The following CFAP54 variants were observed in gnomAD, a reference collection of about 807,000 sequenced individuals.
The protein encoded by CFAP54 is cilia and flagella associated protein 54, also known as cilia- and flagella-associated protein 54.
CFAP54 carries 290 observed loss-of-function variants against 370.4 expected under a neutral mutation model. The observed-to-expected ratio is 0.78, with a 90% CI of 0.71 to 0.86. The LOEUF (loss-of-function observed/expected upper bound fraction) is 0.86, where lower values mean the gene tolerates loss of function less well. Among genes scored for constraint, CFAP54 ranks in the 40% least tolerant of loss-of-function variants. The pLI is 0.00. For missense variants in CFAP54, 3,399 were observed against 3,528.7 expected (o/e 0.96, Z 0.93); for synonymous variants, 1,206 against 1,236.5 (o/e 0.98, Z 0.52).
intron 55 of CFAP54, among the ~76,000 whole-genome samples, chr12:96,746,632 C>T (rs759878782): frequency 6.6e-5 from 10 of 152,144 alleles, no homozygotes; most frequent in Non-Finnish European, 1.5e-4. Flanking sequence ...AGTAAATGAT[C>T]TCTATTTGTT....
chr12:96,595,295 A>G (rs1333002606), intron 25 of CFAP54, among the ~76,000 whole-genome samples: 2 of 152,026 alleles, frequency 1.3e-5, no homozygotes, highest in African/African-American at 2.4e-5. Flanking sequence ...TGATGAGCTT[A>G]TCACATTCAG....
At chr12:96,862,577 A>G (rs1322940974) in intron 67 of CFAP54, among the ~76,000 whole-genome samples, 1 of 152,230 alleles carries the variant, frequency 6.6e-6, no homozygotes, top group African/African-American at 2.4e-5. Context: ...ATAAGAATGC[A>G]AGATATAATG....
At chr12:96,684,607 T>C (rs559820926) in intron 40 of CFAP54, 41 bp from the exon 41 acceptor site, 6 of 1,501,460 alleles carry the variant, frequency 4.0e-6, no homozygotes, top group Non-Finnish European at 5.5e-6. Context: ...AATATTTTTC[T>C]AGGAACTGAC....
intron 34 of CFAP54, among the ~76,000 whole-genome samples, chr12:96,649,444 C>T (rs1393410075): frequency 1.3e-5 from 2 of 152,032 alleles, no homozygotes; most frequent in Non-Finnish European, 2.9e-5. Flanking sequence ...AGGAGAAAGC[C>T]TTCTTTTTTA....
intron 21 of CFAP54, 68 bp from the exon 22 acceptor site, chr12:96,580,852 A>T: frequency 8.1e-7 from 1 of 1,229,510 alleles, no homozygotes; most frequent in Non-Finnish European, 1.1e-6. Context: ...AGGTTTACTT[A>T]ATTGTATTTT....
intron 25 of CFAP54, among the ~76,000 whole-genome samples, chr12:96,595,729 A>G (rs527598705): frequency 2.0e-5 from 3 of 152,122 alleles, no homozygotes; most frequent in Non-Finnish European, 4.4e-5. Flanking sequence ...GGTCAGTTGT[A>G]AATAGATAGA....
chr12:96,681,627 G>A (rs995609020), intron 40 of CFAP54, among the ~76,000 whole-genome samples: 2 of 151,686 alleles, frequency 1.3e-5, no homozygotes, highest in African/African-American at 4.8e-5. Flanking sequence ...GTGCAGTGGC[G>A]TGATCTTGGC....
chr12:96,564,711 T>G lies in CFAP54; in HGVS notation c.2565T>G (p.Ala855=). ...LSKAIYLMQK[A]LLIFEKDATS... ...AAGCAATTTACTTAATGCAGAAAGC[T>G]CTTTTAATATTCGAGAAAGATGCAA... Residue 855 remains alanine (A), a synonymous_variant, in exon 19 of 68, where the codon GCT becomes GCG. Coordinates refer to ENST00000524981, the MANE Select transcript of CFAP54 (RefSeq NM_001306084.2). The G allele has an allele frequency of 6.3e-6, 4 of 632,908 alleles. No individual in the cohort carries two copies. Among genetic ancestry groups the G allele is most frequent in the Non-Finnish European group, 1.1e-5 (4 of 359,550 alleles). 39.2% of individuals were successfully genotyped at this position (632,908 alleles called of 1,614,324 possible). A position where few individuals can be genotyped will look rare whatever the true frequency, so the allele number is the denominator to read the frequency against.
intron 48 of CFAP54, among the ~76,000 whole-genome samples, chr12:96,713,964 A>C (rs1263923088): frequency 6.6e-6 from 1 of 152,186 alleles, no homozygotes; most frequent in African/African-American, 2.4e-5. Flanking sequence ...AGTCATAATA[A>C]AATATTTGGC....
At chr12:96,595,850 G>C (rs2136438741) in intron 25 of CFAP54, among the ~76,000 whole-genome samples, 1 of 152,172 alleles carries the variant, frequency 6.6e-6, no homozygotes, top group African/African-American at 2.4e-5. Context: ...TACTTTGGAG[G>C]GGGTATCCCA....
At chr12:96,661,223 A>G (rs1041710239) in intron 38 of CFAP54, among the ~76,000 whole-genome samples, 6 of 152,202 alleles carry the variant, frequency 3.9e-5, no homozygotes, top group Non-Finnish European at 8.8e-5. Flanking sequence ...TCTGGTGAGC[A>G]GCCCCTATCC....
intron 25 of CFAP54, among the ~76,000 whole-genome samples, chr12:96,597,980 A>G (rs931754481): frequency 2.0e-5 from 3 of 151,904 alleles, no homozygotes; most frequent in African/African-American, 7.2e-5. Flanking sequence ...TAGTAACAGT[A>G]TTGTTAGAAT....
intron 48 of CFAP54, among the ~76,000 whole-genome samples, chr12:96,716,880 A>G (rs1214819570): frequency 6.6e-6 from 1 of 152,180 alleles, no homozygotes; most frequent in Non-Finnish European, 1.5e-5. Flanking sequence ...AGTGAACATG[A>G]TTAGTCTGAA....
intron 55 of CFAP54, 89 bp downstream of exon 55, chr12:96,744,235 A>C (rs1958086081): frequency 8.7e-7 from 1 of 1,155,588 alleles, no homozygotes; most frequent in Non-Finnish European, 1.2e-6. Flanking sequence ...AGTGCATTTA[A>C]AAGAGGCAAT....
chr12:96,764,023 T>G, intron 58 of CFAP54, 128 bp from the exon 59 acceptor site: 1 of 547,350 alleles, frequency 1.8e-6, no homozygotes, highest in South Asian at 3.0e-5. Context: ...ATTTCGAATA[T>G]CTTCTCATGT....
intron 6 of CFAP54, 28 bp downstream of exon 6, chr12:96,519,099 C>G: frequency 1.4e-6 from 2 of 1,481,076 alleles, no homozygotes; most frequent in Admixed American, 2.4e-5. Flanking sequence ...TCTGAGGAGT[C>G]GAGTTTTTTT....
intron 17 of CFAP54, among the ~76,000 whole-genome samples, chr12:96,555,368 C>CACACTGCTGT (rs1955740944): frequency 6.6e-6 from 1 of 151,672 alleles, no homozygotes; most frequent in Non-Finnish European, 1.5e-5. Flanking sequence ...GCAGTGTAGA[C>CACACTGCTGT]ACACTGCTGA....
At chr12:96,651,961 A>G in intron 36 of CFAP54, 146 bp downstream of exon 36, 2 of 619,658 alleles carry the variant, frequency 3.2e-6, no homozygotes, top group Non-Finnish European at 5.5e-6. Flanking sequence ...TTTTGTTTAC[A>G]ATATATAACT....
rs567570668 is a variant in CFAP54, at chr12:96,588,947, C to T, written c.3076-480C>T. On this transcript the variant is annotated intron_variant, in intron 22 of 67. Coordinates refer to ENST00000524981, the MANE Select transcript of CFAP54 (RefSeq NM_001306084.2). Reference sequence around the variant, plus strand: ...GTTTTATTCTATACTCTTTTCAGCTCGTGAACTTTTTGTTGCACAGAAGCT... The same window carrying T: ...GTTTTATTCTATACTCTTTTCAGCTTGTGAACTTTTTGTTGCACAGAAGCT... Among the ~76,000 whole-genome samples the T allele has an allele frequency of 9.9e-5, 15 of 152,218 alleles. 1 individual carries two copies. In the East Asian group the frequency reaches 2.5e-3, roughly 25 times the overall value.
Sources: allele counts gnomAD v4.1 joint callset (sites outside exome capture counted in the v4.1 genomes callset), GRCh38; gene constraint gnomAD v4.1.1; transcripts MANE v1.5; gene names NCBI Gene and HGNC (gene_info 2026-07-23, HGNC 2026-07-21).